SMIM35: variants seen among roughly 807,000 people sequenced by gnomAD.
SMIM35 encodes TMPRSS4 antisense RNA 1 (non-protein coding).
At chr11:118,078,244 A>T (rs559055370) in intron 1 of SMIM35, among the ~76,000 whole-genome samples, 26 of 152,128 alleles carry the variant, frequency 1.7e-4, no homozygotes, top group Non-Finnish European at 2.8e-4. Context: ...AGGGGAAGAG[A>T]TAATAACTGG....
chr11:118,043,898 GT>G (rs1297851230), intron 1 of SMIM35, among the ~76,000 whole-genome samples: 45 of 147,606 alleles, frequency 3.0e-4, no homozygotes, highest in African/African-American at 6.4e-4. Flanking sequence ...AAGGGTATGG[GT>G]TTTTTTTTTA....
At chr11:118,023,144 G>C (rs997972670) in intron 1 of SMIM35, among the ~76,000 whole-genome samples, 4 of 151,904 alleles carry the variant, frequency 2.6e-5, no homozygotes, top group African/African-American at 9.7e-5. Context: ...CAGAGAGGCA[G>C]AGCAAAATGA....
In SMIM35 at chr11:118,049,096, C is replaced by A. The variant is rs78961654; in HGVS notation, c.8-33287G>T. On this transcript the variant is annotated intron_variant, in intron 1 of 4. Transcript: ENST00000689828. ...ACATTGCCAGCGTGAGCTTTAGCAG[C>A]AACGTCAGGGGTGGGCAGGGGTCAG... Among the ~76,000 whole-genome samples, 1,156 of 152,226 alleles carry A rather than the reference C, an allele frequency of 7.6e-3. 13 individuals are homozygous for A. Among genetic ancestry groups the A allele is most frequent in the African/African-American group, 0.027 (1,112 of 41,528 alleles).
intron 1 of SMIM35, among the ~76,000 whole-genome samples, chr11:118,056,840 G>A (rs1323432936): frequency 3.9e-5 from 6 of 152,202 alleles, no homozygotes; most frequent in South Asian, 2.1e-4. Flanking sequence ...AAGTAGCAAC[G>A]GAGGTCATCA....
intron 4 of SMIM35, among the ~76,000 whole-genome samples, chr11:118,007,874 CTT>C (rs796585421): frequency 1.4e-5 from 2 of 145,046 alleles, no homozygotes; most frequent in African/African-American, 5.0e-5. Flanking sequence ...TTCTTGCTTT[CTT>C]TTTTTTTTTT....
chr11:118,015,638 A>G (rs1044558067), intron 2 of SMIM35, 55 bp downstream of exon 2: 12 of 399,226 alleles, frequency 3.0e-5, no homozygotes, highest in Non-Finnish European at 5.3e-5. Context: ...GCCAACTGCT[A>G]TGGGAGAGGA....
intron 1 of SMIM35, among the ~76,000 whole-genome samples, chr11:118,020,006 G>A (rs375231920): frequency 1.3e-5 from 2 of 152,178 alleles, no homozygotes; most frequent in Non-Finnish European, 2.9e-5. Context: ...TCTCACGCCT[G>A]TAATCCCAGC....
chr11:118,027,697 C>G (rs1019259139), intron 1 of SMIM35, among the ~76,000 whole-genome samples: 2 of 152,216 alleles, frequency 1.3e-5, no homozygotes, highest in African/African-American at 4.8e-5. Context: ...CCAATCCACC[C>G]ATTGCCATCA....
chr11:118,046,948 G>T (rs530324382), intron 1 of SMIM35, among the ~76,000 whole-genome samples: 1 of 152,230 alleles, frequency 6.6e-6, no homozygotes, highest in African/African-American at 2.4e-5. Context: ...ATTTGAAAAT[G>T]TATTGTTTTG....
intron 1 of SMIM35, among the ~76,000 whole-genome samples, chr11:118,048,963 A>AAAAAAAAAAAAC (rs1565391524): frequency 6.6e-6 from 1 of 151,270 alleles, no homozygotes; most frequent in Non-Finnish European, 1.5e-5. Context: ...AAAAAAAAAA[A>AAAAAAAAAAAAC]AGCAAGTGAA....
intron 1 of SMIM35, among the ~76,000 whole-genome samples, chr11:118,078,868 G>A (rs779272233): frequency 6.6e-6 from 1 of 152,112 alleles, no homozygotes; most frequent in African/African-American, 2.4e-5. Context: ...ACAGCCCCAC[G>A]CACATGCACC....
intron 1 of SMIM35, among the ~76,000 whole-genome samples, chr11:118,077,863 A>C (rs1197746377): frequency 6.6e-6 from 1 of 152,010 alleles, no homozygotes; most frequent in African/African-American, 2.4e-5. Flanking sequence ...AATACAAAAA[A>C]TTAGCCAGGC....
At chr11:118,062,369 T>C (rs1944405375) in intron 1 of SMIM35, among the ~76,000 whole-genome samples, 1 of 152,204 alleles carries the variant, frequency 6.6e-6, no homozygotes, top group South Asian at 2.1e-4. Context: ...GAGGCACCCC[T>C]GAGCTAATAC....
At chr11:118,032,976 T>G (rs2058330912) in intron 1 of SMIM35, among the ~76,000 whole-genome samples, 1 of 152,230 alleles carries the variant, frequency 6.6e-6, no homozygotes, top group Non-Finnish European at 1.5e-5. Context: ...TCTGTTTTTC[T>G]TATTTTTTTA....
chr11:118,024,847 G>A (rs1030770889), intron 1 of SMIM35, among the ~76,000 whole-genome samples: 5 of 152,084 alleles, frequency 3.3e-5, no homozygotes, highest in African/African-American at 1.2e-4. Flanking sequence ...GCTGAGGTTT[G>A]GGATACAAAT....
intron 1 of SMIM35, among the ~76,000 whole-genome samples, chr11:118,027,227 C>A (rs1282294615): frequency 6.8e-6 from 1 of 148,030 alleles, no homozygotes; most frequent in Admixed American, 6.7e-5. Flanking sequence ...CGGGGTTTCA[C>A]CTTGTTAGCC....
At chr11:118,055,153 T>A (rs1944289566) in intron 1 of SMIM35, among the ~76,000 whole-genome samples, 1 of 152,156 alleles carries the variant, frequency 6.6e-6, no homozygotes, top group Non-Finnish European at 1.5e-5. Flanking sequence ...CAGGATTGTG[T>A]CTTTTGGAAT....
intron 4 of SMIM35, among the ~76,000 whole-genome samples, chr11:118,012,174 C>T (rs1014692343): frequency 3.3e-5 from 5 of 152,356 alleles, no homozygotes; most frequent in African/African-American, 9.6e-5. Context: ...TGGCAGCTGG[C>T]TGTTCTAACT....
chr11:118,030,623 A>G (rs2058310458), intron 1 of SMIM35, among the ~76,000 whole-genome samples: 1 of 152,176 alleles, frequency 6.6e-6, no homozygotes, highest in African/African-American at 2.4e-5. Flanking sequence ...AGGGCTGCTT[A>G]GCACGAGATG....
Sources: allele counts gnomAD v4.1 joint callset (sites outside exome capture counted in the v4.1 genomes callset), GRCh38; gene constraint gnomAD v4.1.1; transcripts MANE v1.5; gene names NCBI Gene and HGNC (gene_info 2026-07-23, HGNC 2026-07-21).